TOLLIP: variants seen among roughly 807,000 people sequenced by gnomAD.
TOLLIP encodes the protein toll-interacting protein.
A neutral mutation model predicts 33.5 loss-of-function variants in TOLLIP; 16 were observed. The observed-to-expected ratio is 0.48, with a 90% confidence interval of 0.32 to 0.72. The LOEUF is 0.72. TOLLIP is among the 30% of genes least tolerant of loss of function. TOLLIP has a pLI of 0.03. For synonymous variants in TOLLIP, 176 were observed against 163.7 expected (o/e 1.07, Z -0.57); for missense variants, 325 against 396.6 (o/e 0.82, Z 1.53).
chr11:1,288,656 CCTT>C lies in TOLLIP; in HGVS notation c.484_486del (p.Lys162del), dbSNP rs773107962. ...GACATGACGAGGTTGATCATGCCCT[CCTT>C]GTCGTCCCCCTGCCTCCCGCTCAGG... On this transcript the variant is annotated inframe_deletion, in exon 4 of 6. Coordinates refer to ENST00000317204, the MANE Select transcript of TOLLIP (RefSeq NM_019009.4). 6.2e-7 allele frequency: 1 copy of C among 1,612,822 alleles called. No homozygotes were observed. Among genetic ancestry groups the C allele is most frequent in the Non-Finnish European group, 8.5e-7 (1 of 1,179,800 alleles).
At chr11:1,292,219 G>A (rs753786197) in intron 2 of TOLLIP, 5 of 152,226 alleles carry the variant, frequency 3.3e-5, no homozygotes, top group Non-Finnish European at 5.9e-5. Context: ...TCCAAACTCT[G>A]CCCCTGTAAA....
At chr11:1,288,223 A>C (rs1261269465) in intron 4 of TOLLIP, among the ~76,000 whole-genome samples, 1 of 152,120 alleles carries the variant, frequency 6.6e-6, no homozygotes, top group African/African-American at 2.4e-5. Context: ...CCCTGTGGGG[A>C]GGAGCCTGGT....
In TOLLIP at chr11:1,276,143, G is replaced by A. The variant is rs1421375292; in HGVS notation, c.*896C>T. The A allele has an allele frequency of 1.3e-5, 2 of 153,008 alleles. No individual in the cohort carries two copies. The highest frequency in any genetic ancestry group is 2.9e-5 in the Non-Finnish European group (2 of 68,658). 9.5% of individuals were successfully genotyped at this position (153,008 alleles called of 1,614,324 possible). A position where few individuals can be genotyped will look rare whatever the true frequency, so the allele number is the denominator to read the frequency against. ...ACGTCCTGGGCACAGCAGCTCCCAA[G>A]CTGTCAGCAGTCGGCTGGCAGTGCC... On this transcript the variant is annotated 3_prime_UTR_variant, in exon 6 of 6. Coordinates refer to ENST00000317204, the MANE Select transcript of TOLLIP (RefSeq NM_019009.4).
intron 5 of TOLLIP, among the ~76,000 whole-genome samples, chr11:1,279,186 A>T (rs1863410463): frequency 1.3e-5 from 2 of 152,044 alleles, no homozygotes; most frequent in Non-Finnish European, 2.9e-5. Context: ...CAATGAGGGG[A>T]TGTGGCGCCG....
chr11:1,299,924 G>A (rs563937850), intron 1 of TOLLIP, among the ~76,000 whole-genome samples: 17 of 152,242 alleles, frequency 1.1e-4, no homozygotes, highest in African/African-American at 2.4e-4. Flanking sequence ...CTCGGGGGAC[G>A]GAGGCGGAGG....
rs145957069 is a variant in TOLLIP, at chr11:1,295,774, C to A, written c.54G>T (p.Pro18=). 2.5e-6 allele frequency: 4 copies of A among 1,584,674 alleles called. No homozygotes were observed. Among genetic ancestry groups the A allele is most frequent in the Non-Finnish European group, 3.4e-6 (4 of 1,165,626 alleles). The change falls in exon 2 of 6, where the codon CCG becomes CCT. Residue 18 remains proline, a synonymous_variant. Transcript: ENST00000317204. Reference sequence around the variant, plus strand: ...TGGGCGTGATGCGGAGGAAGTCCTGCGGGAGCTCACCGATGTACACCTGCG... The same window carrying A: ...TGGGCGTGATGCGGAGGAAGTCCTGAGGGAGCTCACCGATGTACACCTGCG... The part of the protein sequence containing the change: ...QRGPVYIGEL[P]QDFLRITPTQ...
intron 2 of TOLLIP, chr11:1,295,433 C>T (rs1864083013): frequency 1.8e-6 from 1 of 547,520 alleles, no homozygotes; most frequent in African/African-American, 1.9e-5. Flanking sequence ...ACACCCACTA[C>T]TCATCACTTG....
chr11:1,276,915 A>C lies in TOLLIP; in HGVS notation c.*124T>G. The C allele has an allele frequency of 6.4e-7, 1 of 1,570,242 alleles. No individual in the cohort carries two copies. Among genetic ancestry groups the C allele is most frequent in the Non-Finnish European group, 8.6e-7 (1 of 1,159,320 alleles). On this transcript the variant is annotated 3_prime_UTR_variant, in exon 6 of 6. Coordinates refer to ENST00000317204, the MANE Select transcript of TOLLIP (RefSeq NM_019009.4). ...AACAGGTGTGGACGGGGCGGCACAGAAGTCCACGGGAGGGGGCGACACGGG... is the reference window on the plus strand; with the variant it reads ...AACAGGTGTGGACGGGGCGGCACAGCAGTCCACGGGAGGGGGCGACACGGG...
rs528348842 is a variant in TOLLIP, at chr11:1,291,534, C to T, written c.184-1125G>A. 2.2e-3 allele frequency among the ~76,000 whole-genome samples: 324 copies of T among 150,444 alleles called. 2 individuals are homozygous for T. Among genetic ancestry groups the T allele is most frequent in the African/African-American group, 7.2e-3 (295 of 40,916 alleles). ...CACCCTGTCCTCACCACCCACCCCC[C>T]GAAGGCACGGCCACCCCATCCTCAC... On this transcript the variant is annotated intron_variant, in intron 2 of 5. Transcript: ENST00000317204.
At chr11:1,293,245 T>C (rs1276519720) in intron 2 of TOLLIP, among the ~76,000 whole-genome samples, 1 of 152,182 alleles carries the variant, frequency 6.6e-6, no homozygotes, top group African/African-American at 2.4e-5. Flanking sequence ...GAGCTCCACC[T>C]TGGGCACACG....
At chr11:1,285,406 T>C (rs1340668648) in intron 5 of TOLLIP, among the ~76,000 whole-genome samples, 2 of 152,238 alleles carry the variant, frequency 1.3e-5, no homozygotes, top group Non-Finnish European at 2.9e-5. Flanking sequence ...GGGCCGGTCT[T>C]GCACCAGCAG....
intron 5 of TOLLIP, among the ~76,000 whole-genome samples, chr11:1,282,501 T>C (rs1444953079): frequency 6.7e-6 from 1 of 150,162 alleles, no homozygotes; most frequent in African/African-American, 2.4e-5. Context: ...AATAGGAAAT[T>C]GTTTAGGAGA....
intron 2 of TOLLIP, among the ~76,000 whole-genome samples, chr11:1,293,169 CCT>C (rs1013232208): frequency 6.6e-6 from 1 of 152,194 alleles, no homozygotes; most frequent in Non-Finnish European, 1.5e-5. Flanking sequence ...GGGCTTTGGG[CCT>C]CAGCTTCCAG....
In TOLLIP at chr11:1,276,844, G is replaced by C. The variant is rs531531954; in HGVS notation, c.*195C>G. 6.5e-7 allele frequency: 1 copy of C among 1,532,624 alleles called. No homozygotes were observed. Among genetic ancestry groups the C allele is most frequent in the South Asian group, 1.2e-5 (1 of 83,376 alleles). 94.9% of individuals were successfully genotyped at this position (1,532,624 alleles called of 1,614,324 possible). A position where few individuals can be genotyped will look rare whatever the true frequency, so the allele number is the denominator to read the frequency against. On this transcript the variant is annotated 3_prime_UTR_variant, in exon 6 of 6. Transcript: ENST00000317204. ...AGCACGAGATGGGAGGGGAGCCCCCGCCCCGTCCTGGACCGCCAGGAACCG... is the reference window on the plus strand; with the variant it reads ...AGCACGAGATGGGAGGGGAGCCCCCCCCCCGTCCTGGACCGCCAGGAACCG...
At chr11:1,292,479 C>T (rs1440667872) in intron 2 of TOLLIP, among the ~76,000 whole-genome samples, 2 of 152,356 alleles carry the variant, frequency 1.3e-5, no homozygotes, top group African/African-American at 4.8e-5. Flanking sequence ...CCACACTCAG[C>T]GTCATCCTCT....
At position 1,274,376 on chromosome 11, in the gene TOLLIP, C is replaced by T. The variant is rs1014515598; in HGVS notation, c.*2663G>A. The T allele has an allele frequency of 3.3e-5, 5 of 152,194 alleles. No individual in the cohort carries two copies. The highest frequency in any genetic ancestry group is 5.9e-5 in the Non-Finnish European group (4 of 68,028). 9.4% of individuals were successfully genotyped at this position (152,194 alleles called of 1,614,324 possible). ...ATACTCGGGAACAAACATGGTAAAC[C>T]TTCCCTTAAAGGACTTTATTTCTCT... On this transcript the variant is annotated 3_prime_UTR_variant, in exon 6 of 6. Coordinates refer to ENST00000317204, the MANE Select transcript of TOLLIP (RefSeq NM_019009.4).
Position 1,274,829 on chromosome 11 carries a change from AG to A in TOLLIP, c.*2209del, listed in dbSNP as rs1185118762. On this transcript the variant is annotated 3_prime_UTR_variant, in exon 6 of 6. Coordinates refer to ENST00000317204, the MANE Select transcript of TOLLIP (RefSeq NM_019009.4). ...GCTGGCAGACAAGCCTGTCCTTCTG[AG>A]TGTGACGACCTCATCCACACCTGAC... The A allele has an allele frequency of 7.1e-6, 1 of 140,324 alleles. No homozygotes were observed. Among genetic ancestry groups the A allele is most frequent in the Non-Finnish European group, 1.5e-5 (1 of 64,776 alleles). 8.7% of individuals were successfully genotyped at this position (140,324 alleles called of 1,614,324 possible).
At chr11:1,302,234 G>A (rs569253043) in intron 1 of TOLLIP, among the ~76,000 whole-genome samples, 2 of 152,370 alleles carry the variant, frequency 1.3e-5, no homozygotes, top group South Asian at 2.1e-4. Flanking sequence ...GCAAGAGGGC[G>A]GGAACGCGCA....
intron 5 of TOLLIP, chr11:1,283,231 T>C (rs1011469611): frequency 4.4e-6 from 1 of 226,982 alleles, no homozygotes; most frequent in African/African-American, 2.3e-5. Context: ...AACTCAGCCC[T>C]ACCCTGCAAG....
Sources: gnomAD v4.1 joint callset for allele counts (sites outside exome capture counted in the v4.1 genomes callset) on GRCh38, gnomAD v4.1.1 for gene constraint, MANE v1.5 for transcripts, NCBI Gene and HGNC (gene_info 2026-07-23, HGNC 2026-07-21) for gene names.